Variants in NR3C1 observed in about 807,000 individuals in gnomAD.
NR3C1 encodes nuclear receptor subfamily 3 group C member 1.
A neutral mutation model predicts 74.0 loss-of-function variants in NR3C1; 14 were observed. The observed-to-expected ratio is 0.19, with a 90% CI of 0.12 to 0.30. The LOEUF is 0.30. Ranked by LOEUF, NR3C1 falls within the 10% of genes least tolerant of loss-of-function variation. The pLI is 1.00. For synonymous variants in NR3C1, 308 were observed against 332.5 expected, an observed-to-expected ratio of 0.93 and a Z score of 0.80; for missense variants, 695 against 909.8, an observed-to-expected ratio of 0.76 and a Z score of 3.04.
intron 2 of NR3C1, among the ~76,000 whole-genome samples, chr5:143,346,760 T>G (rs935366258): frequency 6.6e-6 from 1 of 152,248 alleles, no homozygotes; most frequent in Non-Finnish European, 1.5e-5. Flanking sequence ...TAAATGTCTT[T>G]TTACACATTA....
chr5:143,402,569 A>G (rs61759022), intron 1 of NR3C1: 16 of 983,704 alleles, frequency 1.6e-5, no homozygotes, highest in South Asian at 4.7e-5. Context: ...GAAGAGAAAA[A>G]AGTGCGAGGT....
chr5:143,345,508 C>T (rs977797761), intron 2 of NR3C1, among the ~76,000 whole-genome samples: 1 of 152,096 alleles, frequency 6.6e-6, no homozygotes, highest in Non-Finnish European at 1.5e-5. Context: ...CTGTGCCTGG[C>T]CTACAAATTA....
chr5:143,339,183 A>C (rs1478421278), intron 2 of NR3C1, among the ~76,000 whole-genome samples: 1 of 152,230 alleles, frequency 6.6e-6, no homozygotes. Context: ...GTTGTTAAGC[A>C]ATACATGACT....
At chr5:143,323,416 T>C (rs1185394405) in intron 2 of NR3C1, among the ~76,000 whole-genome samples, 1 of 152,154 alleles carries the variant, frequency 6.6e-6, no homozygotes. Flanking sequence ...GTCAGTCTTA[T>C]TCACTATCAT....
chr5:143,292,169 C>T (rs1221972331), intron 7 of NR3C1, among the ~76,000 whole-genome samples: 1 of 152,028 alleles, frequency 6.6e-6, no homozygotes, highest in African/African-American at 2.4e-5. Flanking sequence ...CCTCTAGTTT[C>T]CTTGTTTTTA....
At chr5:143,318,406 G>C (rs1822628340) in intron 2 of NR3C1, among the ~76,000 whole-genome samples, 1 of 152,096 alleles carries the variant, frequency 6.6e-6, no homozygotes. Flanking sequence ...CACTTTGAAT[G>C]TATCTTTTAC....
chr5:143,306,154 G>C (rs1255496349), intron 4 of NR3C1, among the ~76,000 whole-genome samples: 1 of 152,044 alleles, frequency 6.6e-6, no homozygotes, highest in East Asian at 1.9e-4. Context: ...GTTCTTAAAT[G>C]CTAGGCCCTT....
chr5:143,315,827 T>G (rs61753475), intron 2 of NR3C1, among the ~76,000 whole-genome samples: 10 of 152,206 alleles, frequency 6.6e-5, no homozygotes, highest in African/African-American at 2.2e-4. Context: ...CCTTAAGTAA[T>G]TAAGCCAGTA....
intron 2 of NR3C1, among the ~76,000 whole-genome samples, chr5:143,367,877 C>A (rs1273663298): frequency 2.0e-5 from 3 of 152,084 alleles, no homozygotes; most frequent in Non-Finnish European, 4.4e-5. Context: ...CTCTTTTTTT[C>A]TTCCAGAAAT....
chr5:143,284,542 C>A, intron 7 of NR3C1, among the ~76,000 whole-genome samples: 1 of 150,842 alleles, frequency 6.6e-6, no homozygotes, highest in East Asian at 2.0e-4. Flanking sequence ...TTTTTCCCTG[C>A]CGTATAGTTT....
chr5:143,412,332 C>A (rs1841321898), intron 1 of NR3C1, among the ~76,000 whole-genome samples: 1 of 152,096 alleles, frequency 6.6e-6, no homozygotes, highest in African/African-American at 2.4e-5. Context: ...ACATACTAAG[C>A]TACTCATCTA....
chr5:143,354,936 A>G (rs1357335955), intron 2 of NR3C1, among the ~76,000 whole-genome samples: 1 of 151,636 alleles, frequency 6.6e-6, no homozygotes, highest in East Asian at 1.9e-4. Context: ...AAAAAAAAAA[A>G]AAAGAAAAAA....
At chr5:143,287,356 T>G (rs946674593) in intron 7 of NR3C1, among the ~76,000 whole-genome samples, 4 of 152,124 alleles carry the variant, frequency 2.6e-5, no homozygotes. Context: ...AGGGGACACC[T>G]CTATGGATCC....
intron 7 of NR3C1, among the ~76,000 whole-genome samples, chr5:143,292,902 G>GA (rs1420491042): frequency 1.6e-4 from 24 of 152,140 alleles, no homozygotes; most frequent in Non-Finnish European, 8.8e-5. Flanking sequence ...TTCTCTGAGG[G>GA]ATCTAAGAAA....
chr5:143,314,179 G>C lies in NR3C1; in HGVS notation c.1185-11C>G. On this transcript the variant is annotated splice_polypyrimidine_tract_variant and intron_variant, in intron 2 of 8. Transcript: ENST00000394464. ...GGTCTCATGCTGGGGCTAAAGAAGGGGAAGAACAGTGTTATGATTTAACTG... is the reference window on the plus strand; with the variant it reads ...GGTCTCATGCTGGGGCTAAAGAAGGCGAAGAACAGTGTTATGATTTAACTG... 6.2e-7 allele frequency: 1 copy of C among 1,613,328 alleles called. No homozygotes were observed. Among genetic ancestry groups the C allele is most frequent in the Non-Finnish European group, 8.5e-7 (1 of 1,179,568 alleles).
chr5:143,307,149 GCCT>G (rs1819815821), intron 4 of NR3C1, among the ~76,000 whole-genome samples: 1 of 152,056 alleles, frequency 6.6e-6, no homozygotes, highest in African/African-American at 2.4e-5. Context: ...ACCTGCCTAG[GCCT>G]CCCAAAGTGC....
At chr5:143,420,349 T>G (rs1751158187) in intron 1 of NR3C1, among the ~76,000 whole-genome samples, 1 of 152,136 alleles carries the variant, frequency 6.6e-6, no homozygotes, top group African/African-American at 2.4e-5. Context: ...CTTCACAATT[T>G]GTGTTTAGAG....
intron 2 of NR3C1, among the ~76,000 whole-genome samples, chr5:143,377,747 C>T (rs865873654): frequency 7.9e-5 from 12 of 152,316 alleles, no homozygotes; most frequent in Middle Eastern, 3.4e-3. Context: ...ACACTGAACT[C>T]GACCTGCCTC....
At chr5:143,356,943 G>A (rs1233208150) in intron 2 of NR3C1, among the ~76,000 whole-genome samples, 5 of 152,158 alleles carry the variant, frequency 3.3e-5, no homozygotes, top group African/African-American at 7.2e-5. Flanking sequence ...CAGTCAATAG[G>A]TAAATAAATA....
Sources: gnomAD v4.1 joint callset for allele counts (sites outside exome capture counted in the v4.1 genomes callset) on GRCh38, gnomAD v4.1.1 for gene constraint, MANE v1.5 for transcripts, NCBI Gene and HGNC (gene_info 2026-07-23, HGNC 2026-07-21) for gene names.